PTCHD4: variants seen among roughly 807,000 people sequenced by gnomAD.
The protein encoded by PTCHD4 is patched domain containing 4, also known as patched domain-containing protein 4.
PTCHD4 carries 33 observed loss-of-function variants against 58.1 expected under a neutral mutation model. The observed-to-expected ratio is 0.57, with a 90% CI of 0.43 to 0.76. The LOEUF is 0.76. PTCHD4 is among the 30% of genes least tolerant of loss of function. The pLI is 0.00. For missense variants in PTCHD4, 1,058 were observed against 1,027.1 expected (o/e 1.03, Z -0.41); for synonymous variants, 478 against 409.6 (o/e 1.17, Z -2.02).
At chr6:48,099,660 T>G in intron 1 of PTCHD4, among the ~76,000 whole-genome samples, 1 of 152,208 alleles carries the variant, frequency 6.6e-6, no homozygotes, top group East Asian at 1.9e-4. Flanking sequence ...CGATATGAGG[T>G]TTAGAATGCA....
chr6:47,879,150 G>A lies in PTCHD4; in HGVS notation c.1685C>T (p.Ala562Val), dbSNP rs748936392. Residue 562 changes from alanine (A) to valine (V), a missense_variant, in exon 5 of 5, where the codon GCC (alanine) becomes GTC (valine). Transcript: ENST00000339488. ...ACTGATGAAGTCACTTTTGTTATTG[G>A]CACTGACGTTGCTGACTTTCAGGAA... Reference protein sequence around the residue: ...YQFLKVSNVSANNKSDFISVL... With the variant: ...YQFLKVSNVSVNNKSDFISVL... The A allele has an allele frequency of 6.2e-7, 1 of 1,611,788 alleles. No homozygotes were observed. Among genetic ancestry groups the A allele is most frequent in the South Asian group, 1.1e-5 (1 of 91,062 alleles).
intron 3 of PTCHD4, among the ~76,000 whole-genome samples, chr6:48,012,356 T>C (rs536221256): frequency 2.6e-5 from 4 of 152,338 alleles, no homozygotes; most frequent in East Asian, 1.9e-4. Context: ...AGTTCACTCA[T>C]GATTTGGCTC....
At chr6:48,006,416 T>C (rs1762440040) in intron 4 of PTCHD4, among the ~76,000 whole-genome samples, 1 of 152,228 alleles carries the variant, frequency 6.6e-6, no homozygotes, top group Non-Finnish European at 1.5e-5. Context: ...TTCTGGTAAA[T>C]GCTTTCATTA....
At chr6:48,058,807 G>C (rs914807868) in intron 3 of PTCHD4, among the ~76,000 whole-genome samples, 1 of 152,164 alleles carries the variant, frequency 6.6e-6, no homozygotes, top group Non-Finnish European at 1.5e-5. Flanking sequence ...GCAAAGAGAG[G>C]TCACATTCCG....
rs187460961 is a variant in PTCHD4 at position 48,035,647 on chromosome 6, C to A, written c.418-26533G>T. 2.1e-3 allele frequency among the ~76,000 whole-genome samples: 318 copies of A among 152,176 alleles called. 1 individual carries two copies. The highest frequency in any genetic ancestry group is 6.5e-3 in the African/African-American group (271 of 41,544). On this transcript the variant is annotated intron_variant, in intron 3 of 4. Coordinates refer to ENST00000339488, the MANE Select transcript of PTCHD4 (RefSeq NM_001384253.1). ...TCATGTTTGCATTGTCCAATTTTAGCAAGAATCCTCCTAGGTCAGTTTAGA... is the reference window on the plus strand; with the variant it reads ...TCATGTTTGCATTGTCCAATTTTAGAAAGAATCCTCCTAGGTCAGTTTAGA...
chr6:47,993,531 A>G (rs930408999), intron 4 of PTCHD4, among the ~76,000 whole-genome samples: 1 of 152,174 alleles, frequency 6.6e-6, no homozygotes, highest in Non-Finnish European at 1.5e-5. Context: ...TGAACTTGAG[A>G]TGTCAAAGCA....
At chr6:48,024,728 C>T (rs760191927) in intron 3 of PTCHD4, among the ~76,000 whole-genome samples, 11 of 151,916 alleles carry the variant, frequency 7.2e-5, no homozygotes, top group Non-Finnish European at 1.5e-4. Flanking sequence ...GGAAAGAGTG[C>T]CTGAAGCTTT....
chr6:47,921,111 A>G (rs1252526114), intron 4 of PTCHD4, among the ~76,000 whole-genome samples: 3 of 152,148 alleles, frequency 2.0e-5, no homozygotes, highest in Non-Finnish European at 4.4e-5. Context: ...TATTGTCACT[A>G]CTCTAAATAT....
At chr6:47,899,157 C>G (rs186993543) in intron 4 of PTCHD4, among the ~76,000 whole-genome samples, 3 of 152,318 alleles carry the variant, frequency 2.0e-5, no homozygotes, top group Non-Finnish European at 2.9e-5. Flanking sequence ...CGCCACAACT[C>G]CTGGGATTCT....
At chr6:48,007,836 T>C (rs1762507540) in intron 4 of PTCHD4, among the ~76,000 whole-genome samples, 1 of 152,176 alleles carries the variant, frequency 6.6e-6, no homozygotes, top group Non-Finnish European at 1.5e-5. Context: ...ATCACTATCA[T>C]CATCTCTTTT....
At chr6:48,081,742 G>T (rs1765172005) in intron 1 of PTCHD4, among the ~76,000 whole-genome samples, 1 of 152,124 alleles carries the variant, frequency 6.6e-6, no homozygotes, top group South Asian at 2.1e-4. Flanking sequence ...TTATTTGTAG[G>T]ATTGTAGGCA....
At chr6:48,057,873 C>T (rs1764468135) in intron 3 of PTCHD4, among the ~76,000 whole-genome samples, 1 of 152,098 alleles carries the variant, frequency 6.6e-6, no homozygotes, top group African/African-American at 2.4e-5. Context: ...AGAGAATAAT[C>T]AAGAGATTCA....
chr6:47,966,374 C>T (rs556866043), intron 4 of PTCHD4, among the ~76,000 whole-genome samples: 1 of 152,282 alleles, frequency 6.6e-6, no homozygotes, highest in South Asian at 2.1e-4. Context: ...GTAAAAAGTG[C>T]TAATGATTTT....
At chr6:48,105,838 T>C (rs966060346) in intron 1 of PTCHD4, among the ~76,000 whole-genome samples, 3 of 152,050 alleles carry the variant, frequency 2.0e-5, no homozygotes, top group African/African-American at 7.2e-5. Context: ...GCAAATAAAC[T>C]AGAAAATCTA....
intron 1 of PTCHD4, among the ~76,000 whole-genome samples, chr6:48,073,139 A>G (rs1765004882): frequency 6.6e-6 from 1 of 152,238 alleles, no homozygotes; most frequent in Non-Finnish European, 1.5e-5. Flanking sequence ...AGGGCTTAAT[A>G]TAAAGCTGAA....
chr6:47,918,259 G>A (rs1765321267), intron 4 of PTCHD4, among the ~76,000 whole-genome samples: 1 of 152,024 alleles, frequency 6.6e-6, no homozygotes, highest in Non-Finnish European at 1.5e-5. Context: ...CTAAATCAAT[G>A]GAAATGCTAT....
Position 47,861,396 on chromosome 6 carries a change from G to T in PTCHD4, c.*16907C>A, listed in dbSNP as rs1284895707. On this transcript the variant is annotated 3_prime_UTR_variant, in exon 5 of 5. Coordinates refer to ENST00000339488, the MANE Select transcript of PTCHD4 (RefSeq NM_001384253.1). ...TTCTTTTGGGTAAAATTATGAGTTTGGGAACCTATTTACACTTACATTCAC... is the reference window on the plus strand; with the variant it reads ...TTCTTTTGGGTAAAATTATGAGTTTTGGAACCTATTTACACTTACATTCAC... Among the ~76,000 whole-genome samples the T allele has an allele frequency of 6.6e-6, 1 of 151,814 alleles. No individual in the cohort carries two copies. The highest frequency in any genetic ancestry group is 6.6e-5 in the Admixed American group (1 of 15,214).
intron 1 of PTCHD4, among the ~76,000 whole-genome samples, chr6:48,099,434 G>A (rs1462952346): frequency 6.6e-6 from 1 of 152,166 alleles, no homozygotes; most frequent in Non-Finnish European, 1.5e-5. Flanking sequence ...CTGGGTACAG[G>A]ATATTAATTC....
intron 4 of PTCHD4, among the ~76,000 whole-genome samples, chr6:47,881,111 G>T (rs1360395995): frequency 1.3e-5 from 2 of 152,116 alleles, no homozygotes; most frequent in East Asian, 3.9e-4. Context: ...CAAAGACATA[G>T]CTGAAAGGCA....
Sources: allele counts gnomAD v4.1 joint callset (sites outside exome capture counted in the v4.1 genomes callset), GRCh38; gene constraint gnomAD v4.1.1; transcripts MANE v1.5; gene names NCBI Gene and HGNC (gene_info 2026-07-23, HGNC 2026-07-21).